Variants in GPC5 observed in about 807,000 individuals in gnomAD.
The protein encoded by GPC5 is glypican-5.
In GPC5, 47 loss-of-function variants were observed where a neutral mutation model predicts 53.9. That is an observed-to-expected ratio of 0.87 (90% CI 0.69 to 1.11). The LOEUF (loss-of-function observed/expected upper bound fraction) is 1.11, where lower values mean the gene tolerates loss of function less well. Among genes scored for constraint, GPC5 ranks in the 50% most tolerant of loss-of-function variants. The pLI is 0.00. For missense variants in GPC5, 748 were observed against 713.1 expected (o/e 1.05, Z -0.56); for synonymous variants, 286 against 263.3 (o/e 1.09, Z -0.84).
intron 2 of GPC5, among the ~76,000 whole-genome samples, chr13:91,643,183 C>T (rs895890452): frequency 6.6e-6 from 1 of 152,036 alleles, no homozygotes; most frequent in Non-Finnish European, 1.5e-5. Flanking sequence ...GAAAGTTGTA[C>T]ATTATAGGGT....
chr13:91,989,879 T>C (rs571963112), intron 6 of GPC5, among the ~76,000 whole-genome samples: 1 of 152,128 alleles, frequency 6.6e-6, no homozygotes, highest in Non-Finnish European at 1.5e-5. Context: ...AACCCATATA[T>C]TGAATTGCAT....
intron 7 of GPC5, among the ~76,000 whole-genome samples, chr13:92,293,766 T>C: frequency 6.6e-6 from 1 of 152,142 alleles, no homozygotes; most frequent in East Asian, 1.9e-4. Flanking sequence ...CTTGTCTTGT[T>C]CCAGTTATCA....
chr13:92,697,924 T>A (rs9561114), intron 7 of GPC5, among the ~76,000 whole-genome samples: 15 of 152,056 alleles, frequency 9.9e-5, no homozygotes, highest in Non-Finnish European at 1.2e-4. Flanking sequence ...GAATTTTGTC[T>A]AAGGCCTTTA....
chr13:92,322,089 A>AC (rs1318073993), intron 7 of GPC5, among the ~76,000 whole-genome samples: 2 of 152,158 alleles, frequency 1.3e-5, no homozygotes, highest in Non-Finnish European at 1.5e-5. Context: ...CTGCACTTGT[A>AC]CCCCGACCTT....
At chr13:91,630,904 C>G (rs2034141965) in intron 2 of GPC5, among the ~76,000 whole-genome samples, 1 of 151,952 alleles carries the variant, frequency 6.6e-6, no homozygotes. Context: ...ATGTTCTTCC[C>G]TGACATTTTA....
chr13:92,562,260 C>T (rs191821715), intron 7 of GPC5, among the ~76,000 whole-genome samples: 120 of 152,136 alleles, frequency 7.9e-4, no homozygotes, highest in Middle Eastern at 6.8e-3. Flanking sequence ...GTGCATTTTT[C>T]GCCCAGGCAC....
intron 5 of GPC5, among the ~76,000 whole-genome samples, chr13:91,898,807 A>G (rs2039469120): frequency 6.6e-6 from 1 of 152,134 alleles, no homozygotes; most frequent in East Asian, 1.9e-4. Context: ...TTACATTCTT[A>G]TGGTGATAAA....
At chr13:92,425,529 A>G (rs1012733001) in intron 7 of GPC5, among the ~76,000 whole-genome samples, 3 of 152,144 alleles carry the variant, frequency 2.0e-5, no homozygotes, top group Admixed American at 6.5e-5. Context: ...GTGACTTAAT[A>G]AAATCAAACA....
rs186740981 is a variant in GPC5 at position 92,626,334 on chromosome 13, C to T, written c.1562-239948C>T. 4.6e-5 allele frequency among the ~76,000 whole-genome samples: 7 copies of T among 152,068 alleles called. No homozygotes were observed. In the South Asian group the frequency reaches 6.3e-4, roughly 14 times the overall value. ...GATCTCATGTTCCAAGAGACTCATG[C>T]GGTGGGGAGGCTCTTGACTTGGCAG... On this transcript the variant is annotated intron_variant, in intron 7 of 7. Coordinates refer to ENST00000377067, the MANE Select transcript of GPC5 (RefSeq NM_004466.6).
intron 7 of GPC5, among the ~76,000 whole-genome samples, chr13:92,248,883 A>G (rs1403341251): frequency 6.6e-6 from 1 of 152,152 alleles, no homozygotes; most frequent in East Asian, 1.9e-4. Context: ...CAATAACATC[A>G]TTTACATTTA....
At chr13:92,072,580 T>A (rs1240558619) in intron 6 of GPC5, among the ~76,000 whole-genome samples, 4 of 149,782 alleles carry the variant, frequency 2.7e-5, no homozygotes, top group African/African-American at 9.9e-5. Context: ...TTTTTTTTTT[T>A]TTTTTTTTTT....
At chr13:92,116,371 A>C (rs1272782253) in intron 6 of GPC5, among the ~76,000 whole-genome samples, 3 of 152,248 alleles carry the variant, frequency 2.0e-5, no homozygotes, top group Non-Finnish European at 4.4e-5. Context: ...GCCTCAGAAT[A>C]AAACCAACTC....
intron 7 of GPC5, among the ~76,000 whole-genome samples, chr13:92,193,951 A>G (rs1257649138): frequency 2.6e-5 from 4 of 152,146 alleles, no homozygotes; most frequent in African/African-American, 9.7e-5. Context: ...AGGGGAAGAG[A>G]AATAATATTC....
At chr13:92,415,302 T>C (rs192796320) in intron 7 of GPC5, among the ~76,000 whole-genome samples, 1 of 152,294 alleles carries the variant, frequency 6.6e-6, no homozygotes, top group Non-Finnish European at 1.5e-5. Context: ...AAGCCCTGAA[T>C]GGATGTGAAA....
intron 7 of GPC5, among the ~76,000 whole-genome samples, chr13:92,728,813 A>C (rs1220588357): frequency 6.6e-6 from 1 of 151,416 alleles, no homozygotes; most frequent in Non-Finnish European, 1.5e-5. Flanking sequence ...ATAATTGGGA[A>C]GAAAATTAGA....
intron 2 of GPC5, among the ~76,000 whole-genome samples, chr13:91,628,504 A>ATCTC (rs960602473): frequency 1.7e-5 from 2 of 118,228 alleles, no homozygotes; most frequent in African/African-American, 1.1e-4. Flanking sequence ...CTGTCTGTCT[A>ATCTC]TCTCTCTATC....
At chr13:92,518,989 A>G (rs1880913585) in intron 7 of GPC5, among the ~76,000 whole-genome samples, 1 of 152,224 alleles carries the variant, frequency 6.6e-6, no homozygotes, top group African/African-American at 2.4e-5. Flanking sequence ...CTAGTCTCTG[A>G]TAAAACAGAC....
chr13:92,291,359 G>A (rs529186437), intron 7 of GPC5, among the ~76,000 whole-genome samples: 50 of 152,292 alleles, frequency 3.3e-4, no homozygotes, highest in African/African-American at 1.1e-3. Flanking sequence ...GGGATTGTAA[G>A]TACACCGATC....
intron 2 of GPC5, among the ~76,000 whole-genome samples, chr13:91,471,630 G>T (rs1489388811): frequency 6.6e-6 from 1 of 152,108 alleles, no homozygotes; most frequent in Non-Finnish European, 1.5e-5. Context: ...TCTATTTGAA[G>T]CTTGATGTTC....
Sources: gnomAD v4.1 joint callset for allele counts (sites outside exome capture counted in the v4.1 genomes callset) on GRCh38, gnomAD v4.1.1 for gene constraint, MANE v1.5 for transcripts, NCBI Gene and HGNC (gene_info 2026-07-23, HGNC 2026-07-21) for gene names.